The following C3orf70 variants were observed in gnomAD, a reference collection of about 807,000 sequenced individuals.
C3orf70 encodes UPF0524 protein C3orf70.
C3orf70 carries 15 observed loss-of-function variants against 20.7 expected under a neutral mutation model. That is an observed-to-expected ratio of 0.72 (90% CI 0.48 to 1.11). The LOEUF (loss-of-function observed/expected upper bound fraction) is 1.11, where lower values mean the gene tolerates loss of function less well. Ranked by LOEUF, C3orf70 falls within the 50% of genes most tolerant of loss-of-function variation. The pLI is 0.00. For synonymous variants in C3orf70, 161 were observed against 125.7 expected (o/e 1.28, Z -1.88); for missense variants, 332 against 317.6 (o/e 1.05, Z -0.34).
chr3:185,117,508 A>G (rs1716206235), intron 1 of C3orf70, among the ~76,000 whole-genome samples: 1 of 152,066 alleles, frequency 6.6e-6, no homozygotes, highest in African/African-American at 2.4e-5. Context: ...GAACTGAAGG[A>G]ACAAAAATAT....
Position 185,078,936 on chromosome 3 carries a change from A to T in C3orf70, c.*4071T>A, listed in dbSNP as rs1318997336. 6.6e-6 allele frequency: 1 copy of T among 152,156 alleles called. No homozygotes were observed. Among genetic ancestry groups the T allele is most frequent in the Admixed American group, 6.5e-5 (1 of 15,274 alleles). The allele number at this position is 152,156 out of a possible 1,614,324, so 9.4% of individuals were successfully genotyped here. A position where few individuals can be genotyped will look rare whatever the true frequency, so the allele number is the denominator to read the frequency against. On this transcript the variant is annotated 3_prime_UTR_variant, in exon 2 of 2. Coordinates refer to ENST00000335012, the MANE Select transcript of C3orf70 (RefSeq NM_001025266.3). ...TAAATTAGCATAAAAGGGGTTTGTT[A>T]TCGGTCCCAAAATACTTGTGATGGT...
rs34762767 is a variant in C3orf70, at chr3:185,143,981, AACACACACACAC to A, written c.196+8635_196+8646del. 3.1e-3 allele frequency among the ~76,000 whole-genome samples: 456 copies of A among 148,944 alleles called. 2 individuals are homozygous for A. The highest frequency in any genetic ancestry group is 0.011 in the African/African-American group (430 of 40,672). ...GAGCAAAATGTAAGATTCTATGGTAAACACACACACACACACACACACACACACACTCAACAC... is the reference window on the plus strand; with the variant it reads ...GAGCAAAATGTAAGATTCTATGGTAAACACACACACACACACACTCAACAC... On this transcript the variant is annotated intron_variant, in intron 1 of 1. Transcript: ENST00000335012.
chr3:185,112,362 G>C (rs753483764), intron 1 of C3orf70, among the ~76,000 whole-genome samples: 3 of 152,184 alleles, frequency 2.0e-5, no homozygotes, highest in Non-Finnish European at 4.4e-5. Flanking sequence ...AACTGGTTGA[G>C]TGACTGGTCA....
chr3:185,113,386 T>A (rs1057210600), intron 1 of C3orf70, among the ~76,000 whole-genome samples: 3 of 152,102 alleles, frequency 2.0e-5, no homozygotes, highest in Admixed American at 2.0e-4. Flanking sequence ...ATTCTAAGAA[T>A]AGAGGCTGAA....
At position 185,096,635 on chromosome 3, in the gene C3orf70, T is replaced by C. The variant is rs1715714649; in HGVS notation, c.197-13072A>G. The stretch of plus-strand genomic sequence containing the variant: ...CTGCAGGAGGAAGGGGCTCTGCCGC[T>C]GCTGGCTGCTGACAGTGTGAAGGGT... On this transcript the variant is annotated intron_variant, in intron 1 of 1. Coordinates refer to ENST00000335012, the MANE Select transcript of C3orf70 (RefSeq NM_001025266.3). Among the ~76,000 whole-genome samples the C allele has an allele frequency of 1.3e-5, 2 of 152,210 alleles. 1 individual carries two copies. The highest frequency in any genetic ancestry group is 1.3e-4 in the Admixed American group (2 of 15,284).
At chr3:185,132,885 C>A (rs1716550237) in intron 1 of C3orf70, among the ~76,000 whole-genome samples, 1 of 151,920 alleles carries the variant, frequency 6.6e-6, no homozygotes, top group South Asian at 2.1e-4. Flanking sequence ...AAAAAAGAGA[C>A]AGATAACTTT....
intron 1 of C3orf70, among the ~76,000 whole-genome samples, chr3:185,124,834 TA>T (rs1414146216): frequency 6.6e-6 from 1 of 152,102 alleles, no homozygotes; most frequent in Non-Finnish European, 1.5e-5. Context: ...AAAGTTTTTT[TA>T]AAAAAGTGAG....
intron 1 of C3orf70, among the ~76,000 whole-genome samples, chr3:185,095,683 T>C (rs1715685609): frequency 6.6e-6 from 1 of 152,112 alleles, no homozygotes. Flanking sequence ...GTCTGTATAT[T>C]ATTCAAGAAC....
At chr3:185,108,736 C>T (rs1213253900) in intron 1 of C3orf70, among the ~76,000 whole-genome samples, 1 of 152,216 alleles carries the variant, frequency 6.6e-6, no homozygotes, top group East Asian at 1.9e-4. Flanking sequence ...GTACATTCCT[C>T]ATCTTTTAAA....
At chr3:185,113,904 A>G (rs1034942853) in intron 1 of C3orf70, among the ~76,000 whole-genome samples, 2 of 152,206 alleles carry the variant, frequency 1.3e-5, no homozygotes, top group African/African-American at 4.8e-5. Context: ...TTGCTCTAAG[A>G]AAATAACCAA....
chr3:185,085,281 C>A (rs967037480), intron 1 of C3orf70, among the ~76,000 whole-genome samples: 1 of 152,106 alleles, frequency 6.6e-6, no homozygotes, highest in Non-Finnish European at 1.5e-5. Context: ...GTTAATGATG[C>A]CACAGGAGAG....
At chr3:185,130,969 G>A (rs1716511877) in intron 1 of C3orf70, among the ~76,000 whole-genome samples, 2 of 152,030 alleles carry the variant, frequency 1.3e-5, no homozygotes. Flanking sequence ...TTTATTTTGG[G>A]TTATCTAGGA....
At chr3:185,143,315 C>G (rs1001559752) in intron 1 of C3orf70, among the ~76,000 whole-genome samples, 1 of 152,104 alleles carries the variant, frequency 6.6e-6, no homozygotes, top group African/African-American at 2.4e-5. Flanking sequence ...ATGAGTCCAA[C>G]AGATAAAATT....
intron 1 of C3orf70, among the ~76,000 whole-genome samples, chr3:185,088,163 G>A (rs1303589001): frequency 6.6e-6 from 1 of 151,986 alleles, no homozygotes; most frequent in Admixed American, 6.6e-5. Flanking sequence ...CACCCGCCTC[G>A]GCCTCCCAAA....
chr3:185,117,117 T>C (rs1716191748), intron 1 of C3orf70, among the ~76,000 whole-genome samples: 1 of 152,172 alleles, frequency 6.6e-6, no homozygotes, highest in South Asian at 2.1e-4. Context: ...ACCACATTTA[T>C]GGAAAATCAA....
intron 1 of C3orf70, among the ~76,000 whole-genome samples, chr3:185,148,430 C>T (rs1338086712): frequency 2.6e-5 from 4 of 152,118 alleles, no homozygotes; most frequent in Non-Finnish European, 4.4e-5. Flanking sequence ...TAATAATCTT[C>T]CCCTCCCTTC....
chr3:185,125,686 T>C (rs1037472387), intron 1 of C3orf70, among the ~76,000 whole-genome samples: 4 of 152,200 alleles, frequency 2.6e-5, no homozygotes, highest in Non-Finnish European at 4.4e-5. Flanking sequence ...ACTACTGATA[T>C]ACTCGACAGC....
intron 1 of C3orf70, among the ~76,000 whole-genome samples, chr3:185,091,964 T>TATATATATATA (rs1561331190): frequency 4.8e-4 from 3 of 6,282 alleles, no homozygotes; most frequent in Non-Finnish European, 8.2e-4. Context: ...TATATATATA[T>TATATATATATA]TTTTTTTTTT....
chr3:185,143,981 A>AACACAC lies in C3orf70; in HGVS notation c.196+8641_196+8646dup, dbSNP rs34762767. ...GAGCAAAATGTAAGATTCTATGGTA[A>AACACAC]ACACACACACACACACACACACACA... On this transcript the variant is annotated intron_variant, in intron 1 of 1. Coordinates refer to ENST00000335012, the MANE Select transcript of C3orf70 (RefSeq NM_001025266.3). 6.9e-3 allele frequency among the ~76,000 whole-genome samples: 1,030 copies of AACACAC among 148,934 alleles called. 8 individuals are homozygous for AACACAC. Among genetic ancestry groups the AACACAC allele is most frequent in the African/African-American group, 0.019 (777 of 40,668 alleles).
Sources: allele counts gnomAD v4.1 joint callset (sites outside exome capture counted in the v4.1 genomes callset), GRCh38; gene constraint gnomAD v4.1.1; transcripts MANE v1.5; gene names NCBI Gene and HGNC (gene_info 2026-07-23, HGNC 2026-07-21).